ZFP64: variants seen among roughly 807,000 people sequenced by gnomAD.
ZFP64 encodes zinc finger protein 64.
ZFP64 carries 14 observed loss-of-function variants against 51.6 expected under a neutral mutation model. The observed-to-expected ratio is 0.27, with a 90% CI of 0.18 to 0.42. The LOEUF (loss-of-function observed/expected upper bound fraction) is 0.42, where lower values mean the gene tolerates loss of function less well. ZFP64 is among the 10% of genes least tolerant of loss of function. The pLI is 1.00. For missense variants in ZFP64, 754 were observed against 906.8 expected, an observed-to-expected ratio of 0.83 and a Z score of 2.16; for synonymous variants, 375 against 361.4, an observed-to-expected ratio of 1.04 and a Z score of -0.43.
chr20:52,114,681 T>C (rs1328236765), intron 5 of ZFP64, among the ~76,000 whole-genome samples: 1 of 152,214 alleles, frequency 6.6e-6, no homozygotes, highest in Non-Finnish European at 1.5e-5. Flanking sequence ...TAGCCACTTT[T>C]GAGGGCAATT....
chr20:52,105,346 C>CT, intron 5 of ZFP64: 1 of 1,245,700 alleles, frequency 8.0e-7, no homozygotes, highest in Non-Finnish European at 1.0e-6. Context: ...CATGTCCCGG[C>CT]AATTCTGCTC....
At chr20:52,101,230 G>A (rs1445238713) in intron 5 of ZFP64, among the ~76,000 whole-genome samples, 1 of 152,174 alleles carries the variant, frequency 6.6e-6, no homozygotes, top group Non-Finnish European at 1.5e-5. Flanking sequence ...TCTTCCAAGT[G>A]TAATCCTGAT....
At chr20:52,097,270 A>G (rs1365159753) in intron 7 of ZFP64, 2 of 1,348,404 alleles carry the variant, frequency 1.5e-6, no homozygotes, top group Non-Finnish European at 2.1e-6. Context: ...TTCATGAGGC[A>G]GATGAGGCAG....
intron 5 of ZFP64, among the ~76,000 whole-genome samples, chr20:52,141,182 T>G (rs925580387): frequency 4.6e-5 from 7 of 152,202 alleles, no homozygotes; most frequent in African/African-American, 1.7e-4. Flanking sequence ...AGACGAATGT[T>G]GTTTTCATGC....
intron 2 of ZFP64, chr20:52,175,856 C>CCCCCCG: frequency 3.6e-6 from 1 of 274,108 alleles, no homozygotes; most frequent in Non-Finnish European, 5.5e-6. Flanking sequence ...CCCCGCACCC[C>CCCCCCG]CGCTGCCGCC....
intron 5 of ZFP64, among the ~76,000 whole-genome samples, chr20:52,124,044 G>A (rs907299334): frequency 1.2e-4 from 18 of 151,916 alleles, no homozygotes; most frequent in Non-Finnish European, 1.9e-4. Context: ...TAATTTTTTT[G>A]TATTTTTAGT....
At position 52,165,909 on chromosome 20, in the gene ZFP64, G is replaced by A. The variant is rs749943962; in HGVS notation, c.403C>T (p.Pro135Ser). 21 of 1,614,000 alleles carry A rather than the reference G, an allele frequency of 1.3e-5. No individual in the cohort carries two copies. The highest frequency in any genetic ancestry group is 1.8e-5 in the Non-Finnish European group (21 of 1,180,014). The change falls in exon 3 of 6, where the codon CCC becomes TCC. Residue 135 changes from proline (P) to serine (S), a missense_variant. Physicochemically the swap from Pro to Ser is moderately conservative, Grantham distance 74 (BLOSUM62 -1). This residue lies in a region of ZFP64 where 231 missense variants were observed against 336.7 expected (regional missense o/e 0.69). Coordinates refer to ENST00000216923, the MANE Select transcript of ZFP64 (RefSeq NM_018197.3). ...CTTTTCTGAGCAGGTGGTGTTGTGG[G>A]CTTTTTGGTGCGTGACTTGGCAGGG... Reference protein sequence around the residue: ...SLPAKSRTKKPTTPPAQKRLN... With the variant: ...SLPAKSRTKKSTTPPAQKRLN...
Position 52,191,777 on chromosome 20 carries a change from T to A in ZFP64, c.-141A>T. On this transcript the variant is annotated 5_prime_UTR_variant, in exon 1 of 6. Coordinates refer to ENST00000216923, the MANE Select transcript of ZFP64 (RefSeq NM_018197.3). The surrounding 1 kb of genome is among the most constrained non-coding windows in gnomAD (Gnocchi z 4.3). ...AACTCTGCGAGGCGGGGAGGACGGA[T>A]GTAAAGCAAGCTGCACTTCCGCTGC... is the stretch of plus-strand genomic sequence containing the variant. 9.2e-7 allele frequency: 1 copy of A among 1,090,788 alleles called. No homozygotes were observed. The highest frequency in any genetic ancestry group is 1.2e-6 in the Non-Finnish European group (1 of 817,828). The allele number at this position is 1,090,788 out of a possible 1,614,324, so 67.6% of individuals were successfully genotyped here. A position where few individuals can be genotyped will look rare whatever the true frequency, so the allele number is the denominator to read the frequency against.
chr20:52,106,712 T>C (rs1265828522), intron 5 of ZFP64, among the ~76,000 whole-genome samples: 2 of 152,232 alleles, frequency 1.3e-5, no homozygotes, highest in Non-Finnish European at 2.9e-5. Flanking sequence ...CAGGTTAAAT[T>C]TCCGAGACTT....
At position 52,186,906 on chromosome 20, in the gene ZFP64, G is replaced by A. The variant is rs933723802; in HGVS notation, c.212C>T (p.Ser71Leu). The A allele has an allele frequency of 4.3e-6, 7 of 1,613,852 alleles. No individual in the cohort carries two copies. The highest frequency in any genetic ancestry group is 2.2e-5 in the South Asian group (2 of 91,078). ...CTGGGTGGCAGGCACTGTTTCCTCC[G>A]ATACAAACTGGACCGTGCTGGGGGC... is the stretch of plus-strand genomic sequence containing the variant. ...AAAPSTVQFV[S>L]EETVPATQTQ... Residue 71 changes from serine to leucine, a missense_variant, in exon 2 of 6, where the codon TCG becomes TTG. Ser to Leu is a moderately radical substitution (Grantham distance 145). Coordinates refer to ENST00000216923, the MANE Select transcript of ZFP64 (RefSeq NM_018197.3).
At position 52,164,759 on chromosome 20, in the gene ZFP64, T is replaced by TAA. The variant is rs72411807; in HGVS notation, c.449-4_449-3dup. 326,488 of 1,379,368 alleles carry TAA rather than the reference T, an allele frequency of 0.24. 8,345 individuals carry two copies. The highest frequency in any genetic ancestry group is 0.31 in the Admixed American group (16,837 of 54,056). The allele number at this position is 1,379,368 out of a possible 1,614,324, so 85.4% of individuals were successfully genotyped here. A position where few individuals can be genotyped will look rare whatever the true frequency, so the allele number is the denominator to read the frequency against. The stretch of plus-strand genomic sequence containing the variant: ...CATAAGCAGTCTTGAATTGGCAACC[T>TAA]AAAAAAAAAAAGGAAAGATTAATTA... On this transcript the variant is annotated splice_region_variant and splice_polypyrimidine_tract_variant and intron_variant, in intron 3 of 5. Transcript: ENST00000216923.
At chr20:52,097,178 T>G (rs2078997707) in intron 7 of ZFP64, 1 of 803,486 alleles carries the variant, frequency 1.2e-6, no homozygotes, top group Non-Finnish European at 2.3e-6. Context: ...ACAGGCTCTG[T>G]GTAGCTCATC....
chr20:52,143,150 G>C lies in ZFP64; in HGVS notation c.763+16973C>G, dbSNP rs565530459. 2.8e-5 allele frequency among the ~76,000 whole-genome samples: 4 copies of C among 143,522 alleles called. No homozygotes were observed. The South Asian group carries it at 9.3e-4, about 34-fold the overall frequency. The allele number at this position is 143,522 out of a possible 152,430, so 94.2% of individuals were successfully genotyped here. On this transcript the variant is annotated intron_variant, in intron 5 of 8. Transcript: ENST00000361387. ...TATGGTATAAACATAACTTTTATAT[G>C]CACTGGGAAATTTAAAAATACGTGT... is the stretch of plus-strand genomic sequence containing the variant.
chr20:52,173,645 CTT>C (rs377073613), intron 2 of ZFP64, among the ~76,000 whole-genome samples: 4 of 144,012 alleles, frequency 2.8e-5, no homozygotes, highest in African/African-American at 1.0e-4. Context: ...TACATCCTTG[CTT>C]TTTTTTTTTT....
At chr20:52,111,494 C>T (rs967504611) in intron 5 of ZFP64, among the ~76,000 whole-genome samples, 4 of 151,560 alleles carry the variant, frequency 2.6e-5, no homozygotes, top group African/African-American at 7.3e-5. Flanking sequence ...GGATTACAGG[C>T]GTGAGCCACC....
At chr20:52,146,960 CA>C (rs1194563204), downstream of ZFP64, among the ~76,000 whole-genome samples, 2 of 152,204 alleles carry the variant, frequency 1.3e-5, no homozygotes, top group Non-Finnish European at 2.9e-5. Context: ...ATATGCTACA[CA>C]AATTCACTGT....
intron 2 of ZFP64, among the ~76,000 whole-genome samples, chr20:52,183,062 T>C (rs949524593): frequency 1.3e-5 from 2 of 152,088 alleles, no homozygotes; most frequent in East Asian, 1.9e-4. Context: ...GAAGGAACAA[T>C]GCAGGCAAGG....
At chr20:52,175,281 C>G (rs944811860) in intron 2 of ZFP64, among the ~76,000 whole-genome samples, 1 of 152,144 alleles carries the variant, frequency 6.6e-6, no homozygotes, top group African/African-American at 2.4e-5. Flanking sequence ...CGCCACCACG[C>G]CCAGCTAATT....
intron 7 of ZFP64, chr20:52,097,004 A>T: frequency 1.7e-6 from 1 of 579,512 alleles, no homozygotes; most frequent in South Asian, 1.5e-5. Context: ...ATGAAGGAGC[A>T]TGCCAACAGG....
Sources: gnomAD v4.1 joint callset for allele counts (sites outside exome capture counted in the v4.1 genomes callset) on GRCh38, gnomAD v4.1.1 for gene constraint, gnomAD v4.1.1 regional missense constraint, Gnocchi (gnomAD v3.1) non-coding constraint, MANE v1.5 for transcripts, NCBI Gene and HGNC (gene_info 2026-07-23, HGNC 2026-07-21) for gene names.